AGBL4: variants seen among roughly 807,000 people sequenced by gnomAD.
The protein encoded by AGBL4 is AGBL carboxypeptidase 4.
Under a neutral mutation model 66.4 loss-of-function variants are expected in AGBL4, and 58 were observed. The ratio of observed to expected loss-of-function variants is 0.87; its 90% CI spans 0.71 to 1.09. The LOEUF is 1.09. Ranked by LOEUF, AGBL4 falls within the 50% of genes least tolerant of loss-of-function variation. The probability of loss-of-function intolerance (pLI) is 0.00; values close to 1 mark genes in which losing one functional copy is unlikely to be tolerated. For synonymous variants in AGBL4, 234 were observed against 222.9 expected (o/e 1.05, Z -0.44); for missense variants, 579 against 631.0 (o/e 0.92, Z 0.88).
intron 3 of AGBL4, among the ~76,000 whole-genome samples, chr1:49,679,938 A>G (rs973092909): frequency 6.6e-5 from 10 of 152,032 alleles, no homozygotes; most frequent in African/African-American, 2.4e-4. Flanking sequence ...ATGCTGTTCT[A>G]CTTGTTTCAA....
intron 4 of AGBL4, among the ~76,000 whole-genome samples, chr1:49,221,709 A>C (rs1570116189): frequency 6.6e-6 from 1 of 152,238 alleles, no homozygotes; most frequent in East Asian, 1.9e-4. Flanking sequence ...TCTTTGAAAG[A>C]GAATTTTGTC....
intron 5 of AGBL4, among the ~76,000 whole-genome samples, chr1:49,032,396 A>G (rs1354506920): frequency 6.6e-6 from 1 of 152,218 alleles, no homozygotes; most frequent in Non-Finnish European, 1.5e-5. Context: ...GAGAATGACA[A>G]GGAGTGGCAG....
At chr1:49,264,956 T>C (rs892663847) in intron 3 of AGBL4, among the ~76,000 whole-genome samples, 6 of 152,240 alleles carry the variant, frequency 3.9e-5, no homozygotes, top group African/African-American at 1.4e-4. Flanking sequence ...TCACACTCAG[T>C]GATCTTTTCT....
At position 49,637,603 on chromosome 1, in the gene AGBL4, A is replaced by G. The variant is rs538264309; in HGVS notation, c.282+59710T>C. 6.0e-4 allele frequency among the ~76,000 whole-genome samples: 92 copies of G among 152,242 alleles called. 1 individual carries two copies. The highest frequency in any genetic ancestry group is 2.0e-3 in the African/African-American group (83 of 41,572). ...CAGGCATGAGCCAACACGCCCAGCC[A>G]GCTACGTACTTCTGAAATATTCCCT... On this transcript the variant is annotated intron_variant, in intron 3 of 13. Coordinates refer to ENST00000371839, the MANE Select transcript of AGBL4 (RefSeq NM_032785.4).
rs9436442 is a variant in AGBL4, at chr1:49,940,101, A to C, written c.34+83662T>G. On this transcript the variant is annotated intron_variant, in intron 1 of 13. Coordinates refer to ENST00000371839, the MANE Select transcript of AGBL4 (RefSeq NM_032785.4). ...ATGCAGCCAACAGACACATGAAAAAATGCTCATCATCACTGGCCATCAGAG... is the reference window on the plus strand; with the variant it reads ...ATGCAGCCAACAGACACATGAAAAACTGCTCATCATCACTGGCCATCAGAG... 5.8e-3 allele frequency among the ~76,000 whole-genome samples: 885 copies of C among 152,330 alleles called. 11 individuals carry two copies. Among genetic ancestry groups the C allele is most frequent in the African/African-American group, 0.02 (843 of 41,562 alleles).
intron 6 of AGBL4, among the ~76,000 whole-genome samples, chr1:48,769,747 AT>A (rs1016715002): frequency 1.3e-5 from 2 of 152,014 alleles, no homozygotes; most frequent in African/African-American, 2.4e-5. Flanking sequence ...TATGCCAGAT[AT>A]TTTTCCATAT....
chr1:49,594,096 A>G (rs532819369), intron 3 of AGBL4, among the ~76,000 whole-genome samples: 35 of 152,276 alleles, frequency 2.3e-4, no homozygotes, highest in African/African-American at 8.4e-4. Flanking sequence ...GGCTCTTTAT[A>G]TATGCAGGTT....
chr1:49,075,224 G>T (rs1236249184), intron 4 of AGBL4, among the ~76,000 whole-genome samples: 1 of 152,088 alleles, frequency 6.6e-6, no homozygotes, highest in Non-Finnish European at 1.5e-5. Context: ...ATGTAAATAA[G>T]TAAATAAAAG....
At chr1:49,512,889 A>G (rs1234995602) in intron 3 of AGBL4, among the ~76,000 whole-genome samples, 1 of 151,888 alleles carries the variant, frequency 6.6e-6, no homozygotes, top group African/African-American at 2.4e-5. Flanking sequence ...CATATATTTA[A>G]CTCTCCTCCA....
intron 5 of AGBL4, among the ~76,000 whole-genome samples, chr1:49,027,229 C>T (rs1044985964): frequency 4.6e-5 from 7 of 151,964 alleles, no homozygotes; most frequent in Non-Finnish European, 5.9e-5. Context: ...GGCGTGATCT[C>T]GGCTCACTAC....
At position 48,775,636 on chromosome 1, in the gene AGBL4, C is replaced by T. The variant is rs545368544; in HGVS notation, c.634+91555G>A. Among the ~76,000 whole-genome samples, 4 of 152,300 alleles carry T rather than the reference C, an allele frequency of 2.6e-5. No individual in the cohort carries two copies. In the East Asian group the frequency reaches 7.7e-4, roughly 29 times the overall value. On this transcript the variant is annotated intron_variant, in intron 6 of 13. Coordinates refer to ENST00000371839, the MANE Select transcript of AGBL4 (RefSeq NM_032785.4). ...TTGTCTAGACTCAAACTTTCTGGAA[C>T]TAGCTGGGAAAGAGGGCCAGCTGTC...
rs552922905 is a variant in AGBL4, at chr1:49,648,797, T to TA, written c.282+48515dup. Among the ~76,000 whole-genome samples, 102 of 142,888 alleles carry TA rather than the reference T, an allele frequency of 7.1e-4. 1 individual carries two copies. The South Asian group carries it at 0.01, about 14-fold the overall frequency. The allele number at this position is 142,888 out of a possible 152,430, so 93.7% of individuals were successfully genotyped here. ...AATGGAGGAAAAATACTTTCTCAAATAAAAAAAAAAGGAATCTGTAGCCAG... is the reference window on the plus strand; with the variant it reads ...AATGGAGGAAAAATACTTTCTCAAATAAAAAAAAAAAGGAATCTGTAGCCAG... On this transcript the variant is annotated intron_variant, in intron 3 of 13. Coordinates refer to ENST00000371839, the MANE Select transcript of AGBL4 (RefSeq NM_032785.4).
chr1:49,680,204 C>T (rs1026072081), intron 3 of AGBL4, among the ~76,000 whole-genome samples: 1 of 151,658 alleles, frequency 6.6e-6, no homozygotes, highest in African/African-American at 2.4e-5. Context: ...GCATGCACCA[C>T]CACACCCAGC....
intron 6 of AGBL4, among the ~76,000 whole-genome samples, chr1:48,808,292 C>T (rs1462145591): frequency 6.6e-6 from 1 of 152,156 alleles, no homozygotes; most frequent in Non-Finnish European, 1.5e-5. Context: ...CTGTGTTAGG[C>T]ATTATTAGAG....
intron 6 of AGBL4, among the ~76,000 whole-genome samples, chr1:48,722,965 A>G (rs943040086): frequency 6.6e-6 from 1 of 152,182 alleles, no homozygotes; most frequent in African/African-American, 2.4e-5. Flanking sequence ...TGTGAGATAG[A>G]TATTACTATT....
chr1:49,460,279 G>A (rs1309880861), intron 3 of AGBL4, among the ~76,000 whole-genome samples: 4 of 151,628 alleles, frequency 2.6e-5, no homozygotes, highest in Admixed American at 6.6e-5. Flanking sequence ...CTAGTGTTAG[G>A]TGCATATGTA....
At chr1:48,697,832 C>G (rs902307523) in intron 6 of AGBL4, among the ~76,000 whole-genome samples, 31 of 152,170 alleles carry the variant, frequency 2.0e-4, no homozygotes, top group South Asian at 1.0e-3. Flanking sequence ...TGTCCTGACA[C>G]CTGGGTTGAT....
At chr1:49,091,860 C>A (rs1645009766) in intron 4 of AGBL4, among the ~76,000 whole-genome samples, 1 of 151,992 alleles carries the variant, frequency 6.6e-6, no homozygotes, top group Non-Finnish European at 1.5e-5. Flanking sequence ...TAAAAATGAA[C>A]AAAATGATGT....
In AGBL4 at chr1:49,296,907, C is replaced by T. The variant is rs145757509; in HGVS notation, c.283-51043G>A. On this transcript the variant is annotated intron_variant, in intron 3 of 13. Transcript: ENST00000371839. Reference sequence around the variant, plus strand: ...TTGCTTTTGCAGAAGATAATAGGACCTTTTAACCAAGTGGCACAATAGACT... The same window carrying T: ...TTGCTTTTGCAGAAGATAATAGGACTTTTTAACCAAGTGGCACAATAGACT... Among the ~76,000 whole-genome samples, 586 of 152,256 alleles carry T rather than the reference C, an allele frequency of 3.8e-3. 4 individuals are homozygous for T. The highest frequency in any genetic ancestry group is 0.013 in the African/African-American group (556 of 41,532).
Sources: allele counts gnomAD v4.1 joint callset (sites outside exome capture counted in the v4.1 genomes callset), GRCh38; gene constraint gnomAD v4.1.1; transcripts MANE v1.5; gene names NCBI Gene and HGNC (gene_info 2026-07-23, HGNC 2026-07-21).